Variants in NT5DC1 observed in about 807,000 individuals in gnomAD.
The protein encoded by NT5DC1 is 5'-nucleotidase domain containing 1.
NT5DC1 carries 42 observed loss-of-function variants against 59.4 expected under a neutral mutation model. That is an observed-to-expected ratio of 0.71 (90% confidence interval 0.55 to 0.92). The LOEUF is 0.92. Ranked by LOEUF, NT5DC1 falls within the 40% of genes least tolerant of loss-of-function variation. The pLI is 0.00. For synonymous variants in NT5DC1, 172 were observed against 188.1 expected (o/e 0.91, Z 0.70); for missense variants, 501 against 537.1 (o/e 0.93, Z 0.66).
chr6:116,166,119 C>A (rs1384357737), intron 6 of NT5DC1, among the ~76,000 whole-genome samples: 5 of 152,028 alleles, frequency 3.3e-5, no homozygotes, highest in Non-Finnish European at 5.9e-5. Context: ...AGAGAAGCAC[C>A]CCAACCTACC....
At chr6:116,180,770 C>G (rs1214928873) in intron 6 of NT5DC1, among the ~76,000 whole-genome samples, 1 of 151,910 alleles carries the variant, frequency 6.6e-6, no homozygotes, top group Non-Finnish European at 1.5e-5. Flanking sequence ...GACCCAATTT[C>G]ATCAGTGAAT....
chr6:116,124,310 G>A (rs1017085172), intron 6 of NT5DC1, among the ~76,000 whole-genome samples: 2 of 152,106 alleles, frequency 1.3e-5, no homozygotes, highest in African/African-American at 4.8e-5. Flanking sequence ...TGGAAAGGGA[G>A]TTTGAAGCCT....
At chr6:116,233,151 A>C (rs1275742123) in intron 8 of NT5DC1, among the ~76,000 whole-genome samples, 1 of 152,252 alleles carries the variant, frequency 6.6e-6, no homozygotes, top group African/African-American at 2.4e-5. Flanking sequence ...ATTTTTATAG[A>C]AAAATGTTTT....
intron 6 of NT5DC1, chr6:116,121,417 G>A (rs2114288577): frequency 6.2e-7 from 1 of 1,614,006 alleles, no homozygotes. Flanking sequence ...TATCACCTTT[G>A]ATGCCTGGCT....
At chr6:116,226,565 T>G (rs1474330912) in intron 8 of NT5DC1, among the ~76,000 whole-genome samples, 1 of 152,120 alleles carries the variant, frequency 6.6e-6, no homozygotes. Context: ...ATCTTAAGAC[T>G]TCTGTGCAGT....
In NT5DC1 at chr6:116,143,376, A is replaced by C. The variant is rs544958016; in HGVS notation, c.529+25431A>C. Among the ~76,000 whole-genome samples, 186 of 152,156 alleles carry C rather than the reference A, an allele frequency of 1.2e-3. 1 individual carries two copies. The highest frequency in any genetic ancestry group is 2.3e-3 in the South Asian group (11 of 4,820). On this transcript the variant is annotated intron_variant, in intron 6 of 11. Transcript: ENST00000319550. ...TAGGCATGCATCACCATACCCAGCT[A>C]ATTTTTTTTGTATCTTTAGTAGAGA... is the stretch of plus-strand genomic sequence containing the variant.
At chr6:116,135,862 TATATATATATAC>T (rs1204295948) in intron 6 of NT5DC1, among the ~76,000 whole-genome samples, 119 of 106,096 alleles carry the variant, frequency 1.1e-3, no homozygotes, top group African/African-American at 2.0e-3. Context: ...TATATATATA[TATATATATATAC>T]ACACATACAC....
At chr6:116,110,037 A>T (rs749984728) in intron 3 of NT5DC1, among the ~76,000 whole-genome samples, 1 of 152,206 alleles carries the variant, frequency 6.6e-6, no homozygotes, top group Non-Finnish European at 1.5e-5. Flanking sequence ...TAATAGATAT[A>T]GTAAGAAAAT....
At chr6:116,183,401 C>G (rs1013143989) in intron 6 of NT5DC1, among the ~76,000 whole-genome samples, 6 of 151,906 alleles carry the variant, frequency 3.9e-5, no homozygotes, top group African/African-American at 1.5e-4. Flanking sequence ...TTTTCTAGTT[C>G]TGTGAAGAAT....
intron 6 of NT5DC1, among the ~76,000 whole-genome samples, chr6:116,219,322 G>C (rs1489926684): frequency 6.6e-6 from 1 of 152,192 alleles, no homozygotes; most frequent in Non-Finnish European, 1.5e-5. Flanking sequence ...AAGTCCAGTA[G>C]TAGAAGAGGG....
chr6:116,132,364 T>C (rs898550407), intron 6 of NT5DC1, among the ~76,000 whole-genome samples: 1 of 152,194 alleles, frequency 6.6e-6, no homozygotes, highest in Non-Finnish European at 1.5e-5. Flanking sequence ...GCTTAGACCA[T>C]TTCTCTAGCC....
intron 8 of NT5DC1, among the ~76,000 whole-genome samples, chr6:116,233,923 CTTCT>C (rs771936256): frequency 2.0e-5 from 3 of 148,762 alleles, no homozygotes; most frequent in Admixed American, 6.7e-5. Context: ...TCCCCTTTGT[CTTCT>C]TTATTTTTTT....
At chr6:116,184,977 T>G (rs1780964561) in intron 6 of NT5DC1, among the ~76,000 whole-genome samples, 1 of 152,050 alleles carries the variant, frequency 6.6e-6, no homozygotes, top group African/African-American at 2.4e-5. Context: ...GATTGTCTAT[T>G]TGTGCTCTTT....
chr6:116,160,840 G>T (rs1780309292), intron 6 of NT5DC1, among the ~76,000 whole-genome samples: 1 of 151,824 alleles, frequency 6.6e-6, no homozygotes, highest in African/African-American at 2.4e-5. Context: ...CCCATTACTG[G>T]GTATATACCC....
intron 4 of NT5DC1, among the ~76,000 whole-genome samples, chr6:116,113,809 G>A (rs556893): frequency 0.011 from 1,602 of 152,294 alleles, 30 homozygotes; most frequent in African/African-American, 0.037. Flanking sequence ...AAGAATGGGA[G>A]GAGAAAAGCA....
intron 11 of NT5DC1, among the ~76,000 whole-genome samples, chr6:116,239,694 A>G (rs1782187113): frequency 6.6e-6 from 1 of 152,232 alleles, no homozygotes; most frequent in African/African-American, 2.4e-5. Context: ...ATTTCAGATT[A>G]TTAGTGCCCC....
At chr6:116,114,959 A>G (rs1031798629) in intron 4 of NT5DC1, among the ~76,000 whole-genome samples, 3 of 152,208 alleles carry the variant, frequency 2.0e-5, no homozygotes, top group African/African-American at 4.8e-5. Flanking sequence ...TGCTATTAGC[A>G]TAGCAGTGGC....
At chr6:116,232,375 G>T (rs1389824924) in intron 8 of NT5DC1, among the ~76,000 whole-genome samples, 2 of 151,874 alleles carry the variant, frequency 1.3e-5, no homozygotes, top group Admixed American at 1.3e-4. Context: ...TGTTGATTAT[G>T]TCTCAACAAA....
chr6:116,133,264 A>G (rs895520207), intron 6 of NT5DC1, among the ~76,000 whole-genome samples: 9 of 152,204 alleles, frequency 5.9e-5, no homozygotes, highest in African/African-American at 1.9e-4. Context: ...TGGGTTCTCA[A>G]CCATTCACAC....
Sources: allele counts gnomAD v4.1 joint callset (sites outside exome capture counted in the v4.1 genomes callset), GRCh38; gene constraint gnomAD v4.1.1; transcripts MANE v1.5; gene names NCBI Gene and HGNC (gene_info 2026-07-23, HGNC 2026-07-21).